The following GAS2 variants were observed in gnomAD, a reference collection of about 807,000 sequenced individuals.
GAS2 encodes growth arrest-specific protein 2.
Under a neutral mutation model 37.5 loss-of-function variants are expected in GAS2, and 20 were observed. The ratio of observed to expected loss-of-function variants is 0.53; its 90% CI spans 0.37 to 0.77. GAS2 has a LOEUF of 0.77. Ranked by LOEUF, GAS2 falls within the 30% of genes least tolerant of loss-of-function variation. The probability of loss-of-function intolerance (pLI) is 0.00; values close to 1 mark genes in which losing one functional copy is unlikely to be tolerated. For synonymous variants in GAS2, 144 were observed against 132.2 expected (o/e 1.09, Z -0.61); for missense variants, 336 against 373.4 (o/e 0.90, Z 0.82).
chr11:22,737,357 G>A (rs1466046412), intron 4 of GAS2, among the ~76,000 whole-genome samples: 3 of 152,022 alleles, frequency 2.0e-5, no homozygotes, highest in Non-Finnish European at 1.5e-5. Context: ...ATTATTGACA[G>A]GTATCATAAT....
chr11:22,670,808 C>A (rs956467993), intron 1 of GAS2, among the ~76,000 whole-genome samples: 2 of 152,114 alleles, frequency 1.3e-5, no homozygotes, highest in Non-Finnish European at 2.9e-5. Context: ...TGACCCTGGA[C>A]TTCTGATTCC....
chr11:22,645,421 C>T (rs1342044534), intron 1 of GAS2, among the ~76,000 whole-genome samples: 2 of 151,990 alleles, frequency 1.3e-5, no homozygotes, highest in African/African-American at 2.4e-5. Context: ...GCACTAGAAT[C>T]GCTTGAACCC....
At chr11:22,661,324 GATTTATTTATTT>G (rs200705441) in intron 1 of GAS2, among the ~76,000 whole-genome samples, 1 of 151,926 alleles carries the variant, frequency 6.6e-6, no homozygotes, top group South Asian at 2.1e-4. Flanking sequence ...GTGGTTTTAT[GATTTATTTATTT>G]ATTTATTTAT....
chr11:22,725,323 C>T (rs1852149460), intron 3 of GAS2, among the ~76,000 whole-genome samples: 1 of 152,098 alleles, frequency 6.6e-6, no homozygotes, highest in South Asian at 2.1e-4. Flanking sequence ...GAATGTAAAC[C>T]ATGCATTTCA....
intron 7 of GAS2, among the ~76,000 whole-genome samples, chr11:22,809,047 A>C (rs1468071751): frequency 6.6e-6 from 1 of 152,184 alleles, no homozygotes; most frequent in Admixed American, 6.5e-5. Context: ...GCGTACACTG[A>C]GAACCAGATC....
intron 3 of GAS2, among the ~76,000 whole-genome samples, chr11:22,714,388 A>G (rs1565104315): frequency 6.6e-6 from 1 of 152,140 alleles, no homozygotes; most frequent in Non-Finnish European, 1.5e-5. Flanking sequence ...AATTACCGCT[A>G]CACATAGGAA....
At position 22,811,917 on chromosome 11, in the gene GAS2, A is replaced by G. The variant is rs1324437657; in HGVS notation, c.843A>G (p.Thr281=). The G allele has an allele frequency of 6.2e-7, 1 of 1,614,028 alleles. No homozygotes were observed. Among genetic ancestry groups the G allele is most frequent in the Non-Finnish European group, 8.5e-7 (1 of 1,180,016 alleles). The change falls in exon 8 of 8, where the codon ACA becomes ACG. Residue 281 remains threonine (T), a synonymous_variant. Coordinates refer to ENST00000454584, the MANE Select transcript of GAS2 (RefSeq NM_001143830.3). ...AGATCTCCCGTGTGGATGGCAAAAC[A>G]TCCCCTATCCAAAGCAAATCTCCAA... ...MLQISRVDGK[T]SPIQSKSPTL...
intron 7 of GAS2, among the ~76,000 whole-genome samples, chr11:22,800,541 C>T (rs1445502175): frequency 1.3e-5 from 2 of 152,028 alleles, no homozygotes; most frequent in African/African-American, 2.4e-5. Flanking sequence ...GATGAGGAGA[C>T]ATCCTGCTGA....
chr11:22,648,891 A>C (rs1848737118), intron 1 of GAS2, among the ~76,000 whole-genome samples: 1 of 151,918 alleles, frequency 6.6e-6, no homozygotes. Flanking sequence ...ATCTTTTCCT[A>C]ATTGAATACC....
chr11:22,713,901 C>T (rs374833321), intron 3 of GAS2, among the ~76,000 whole-genome samples: 99 of 152,138 alleles, frequency 6.5e-4, no homozygotes, highest in Middle Eastern at 6.8e-3. Flanking sequence ...ATAGAATGTC[C>T]TTGAAGCATA....
chr11:22,734,326 T>G (rs1045231861), intron 4 of GAS2, among the ~76,000 whole-genome samples: 1 of 151,752 alleles, frequency 6.6e-6, no homozygotes, highest in Admixed American at 6.6e-5. Flanking sequence ...GATATCTACT[T>G]TATATCTTTA....
intron 4 of GAS2, among the ~76,000 whole-genome samples, chr11:22,734,356 C>T (rs1364724440): frequency 2.6e-5 from 4 of 151,592 alleles, no homozygotes; most frequent in Non-Finnish European, 5.9e-5. Context: ...CAAATTGACT[C>T]ATTTAACCTG....
chr11:22,755,625 C>G, intron 6 of GAS2: 1 of 394,456 alleles, frequency 2.5e-6, no homozygotes, highest in Non-Finnish European at 4.6e-6. Context: ...CTGTCATTAG[C>G]TAACTTATGC....
intron 3 of GAS2, among the ~76,000 whole-genome samples, chr11:22,688,687 T>A (rs1006766759): frequency 3.5e-4 from 53 of 152,178 alleles, no homozygotes; most frequent in African/African-American, 1.1e-3. Flanking sequence ...TTGAAATAGT[T>A]CCGTGAACCT....
chr11:22,709,692 C>G (rs1851300903), intron 3 of GAS2, among the ~76,000 whole-genome samples: 1 of 152,104 alleles, frequency 6.6e-6, no homozygotes, highest in African/African-American at 2.4e-5. Context: ...AATCATGCTG[C>G]TATAAAGACA....
chr11:22,803,795 C>T (rs1469787211), intron 7 of GAS2, among the ~76,000 whole-genome samples: 3 of 152,092 alleles, frequency 2.0e-5, no homozygotes, highest in African/African-American at 7.2e-5. Context: ...CTTCAGAGAG[C>T]TCACATATTC....
intron 1 of GAS2, among the ~76,000 whole-genome samples, chr11:22,640,244 A>G (rs911142484): frequency 6.6e-6 from 1 of 152,192 alleles, no homozygotes; most frequent in African/African-American, 2.4e-5. Context: ...GTGGCCTTAA[A>G]GCCAGCAGCA....
intron 1 of GAS2, among the ~76,000 whole-genome samples, chr11:22,652,101 T>G (rs1267341274): frequency 6.6e-6 from 1 of 152,216 alleles, no homozygotes; most frequent in Admixed American, 6.5e-5. Context: ...GTTTTTGGTG[T>G]GGATGTCCTT....
chr11:22,632,400 C>T (rs337480), intron 1 of GAS2, among the ~76,000 whole-genome samples: 105,774 of 152,112 alleles, frequency 0.7, 40,520 homozygotes, highest in East Asian at 0.89. Flanking sequence ...GCTTATAAGG[C>T]TTCTGCTGAG....
Sources: gnomAD v4.1 joint callset for allele counts (sites outside exome capture counted in the v4.1 genomes callset) on GRCh38, gnomAD v4.1.1 for gene constraint, MANE v1.5 for transcripts, NCBI Gene and HGNC (gene_info 2026-07-23, HGNC 2026-07-21) for gene names.